Variants in ATP23 observed in about 807,000 individuals in gnomAD.
ATP23 encodes the protein mitochondrial inner membrane protease ATP23 homolog.
Under a neutral mutation model 28.5 loss-of-function variants are expected in ATP23, and 24 were observed. The observed-to-expected ratio is 0.84, with a 90% CI of 0.61 to 1.18. ATP23 has a LOEUF of 1.18. ATP23 is among the 50% of genes most tolerant of loss of function. The pLI is 0.00. For synonymous variants in ATP23, 99 were observed against 108.6 expected (o/e 0.91, Z 0.55); for missense variants, 274 against 306.4 (o/e 0.89, Z 0.79).
At position 57,941,640 on chromosome 12, in the gene ATP23, T is replaced by C; in HGVS notation, c.-62T>C. ...TCGCGTTGGCGGGAGGGAGGTTACCTTTCCCAGTCTCGCTCTGGCCGCCTG... is the reference window on the plus strand; with the variant it reads ...TCGCGTTGGCGGGAGGGAGGTTACCCTTCCCAGTCTCGCTCTGGCCGCCTG... On this transcript the variant is annotated 5_prime_UTR_variant, in exon 1 of 6. Coordinates refer to ENST00000300145, the MANE Select transcript of ATP23 (RefSeq NM_033276.4). The C allele has an allele frequency of 6.4e-7, 1 of 1,556,912 alleles. No individual in the cohort carries two copies.
At chr12:57,946,779 T>C (rs1956765791) in intron 2 of ATP23, among the ~76,000 whole-genome samples, 1 of 152,092 alleles carries the variant, frequency 6.6e-6, no homozygotes, top group Non-Finnish European at 1.5e-5. Flanking sequence ...TGGAATCATA[T>C]CTATAGAATT....
intron 4 of ATP23, among the ~76,000 whole-genome samples, chr12:57,952,760 T>C (rs1956827560): frequency 6.6e-6 from 1 of 152,204 alleles, no homozygotes; most frequent in African/African-American, 2.4e-5. Context: ...CTGTGAGAAT[T>C]AATGCCTTTT....
chr12:57,944,057 TG>T (rs1365988372), intron 1 of ATP23, among the ~76,000 whole-genome samples: 1 of 116,948 alleles, frequency 8.6e-6, no homozygotes, highest in Non-Finnish European at 1.7e-5. Flanking sequence ...TACTAAACCA[TG>T]GTTTTTTTTT....
intron 5 of ATP23, among the ~76,000 whole-genome samples, chr12:57,955,189 T>G (rs1956854193): frequency 6.6e-6 from 1 of 152,036 alleles, no homozygotes; most frequent in South Asian, 2.1e-4. Flanking sequence ...AAAAAACTAT[T>G]ACATATACTC....
chr12:57,953,999 C>T (rs559451397), intron 5 of ATP23, among the ~76,000 whole-genome samples: 22 of 152,074 alleles, frequency 1.4e-4, no homozygotes, highest in South Asian at 6.2e-4. Flanking sequence ...TCGAGACCAG[C>T]GTGGCCAACA....
intron 1 of ATP23, among the ~76,000 whole-genome samples, 164 bp downstream of exon 1, chr12:57,942,052 C>G (rs1450573738): frequency 6.6e-6 from 1 of 152,194 alleles, no homozygotes; most frequent in African/African-American, 2.4e-5. Flanking sequence ...GCTCAGTTTC[C>G]CCACTAGAGG....
Position 57,957,422 on chromosome 12 carries a change from T to A in ATP23, c.*532T>A, listed in dbSNP as rs940935887. On this transcript the variant is annotated 3_prime_UTR_variant, in exon 6 of 6. Coordinates refer to ENST00000300145, the MANE Select transcript of ATP23 (RefSeq NM_033276.4). ...CTGGGGACAGTCCTGGTTAGATCTTTTTCTTTTTAATAAAGGCAGTGCTCG... is the reference window on the plus strand; with the variant it reads ...CTGGGGACAGTCCTGGTTAGATCTTATTCTTTTTAATAAAGGCAGTGCTCG... Among the ~76,000 whole-genome samples the A allele has an allele frequency of 2.0e-5, 3 of 152,172 alleles. No homozygotes were observed. The highest frequency in any genetic ancestry group is 4.4e-5 in the Non-Finnish European group (3 of 68,028).
chr12:57,945,722 C>CA, intron 2 of ATP23, 49 bp downstream of exon 2: 1 of 1,555,744 alleles, frequency 6.4e-7, no homozygotes, highest in Non-Finnish European at 8.9e-7. Context: ...CTGCTGAAAA[C>CA]AAAAACCAAG....
At chr12:57,953,752 A>G (rs1445134789) in intron 5 of ATP23, 63 bp downstream of exon 5, 2 of 1,383,478 alleles carry the variant, frequency 1.4e-6, no homozygotes, top group African/African-American at 2.9e-5. Context: ...ATGAATAAAG[A>G]AATGAAAAGT....
In ATP23 at chr12:57,956,790, A is replaced by G. The variant is rs1265639592; in HGVS notation, c.641A>G (p.Asn214Ser). 1.9e-6 allele frequency: 3 copies of G among 1,613,928 alleles called. No individual in the cohort carries two copies. The highest frequency in any genetic ancestry group is 2.7e-5 in the African/African-American group (2 of 74,924). ...AVDEVFESCF[N>S]DHEPFGRIPH... is the part of the protein sequence containing the mutation. ...GATGAAGTTTTTGAATCTTGTTTCA[A>G]TGACCATGAACCTTTTGGAAGGATC... Residue 214 changes from asparagine to serine, a missense_variant, in exon 6 of 6, where the codon AAT becomes AGT. Transcript: ENST00000300145.
rs61730949 is a variant in ATP23, at chr12:57,941,912, G to A, written c.187+24G>A. Reference sequence around the variant, plus strand: ...AAGTAGGAGCCATGACCTGGAGGCTGTGGTTCCACAGAATGGGTCTGAGAC... The same window carrying A: ...AAGTAGGAGCCATGACCTGGAGGCTATGGTTCCACAGAATGGGTCTGAGAC... On this transcript the variant is annotated intron_variant, in intron 1 of 5. Coordinates refer to ENST00000300145, the MANE Select transcript of ATP23 (RefSeq NM_033276.4). 1.8e-4 allele frequency: 297 copies of A among 1,609,892 alleles called. No individual in the cohort carries two copies. In the African/African-American group the frequency reaches 3.7e-3, roughly 20 times the overall value.
At chr12:57,946,941 T>C (rs1956767437) in intron 2 of ATP23, 54 bp from the exon 3 acceptor site, 1 of 1,552,298 alleles carries the variant, frequency 6.4e-7, no homozygotes, top group Non-Finnish European at 8.9e-7. Context: ...GGCCCAGGGC[T>C]GTTTGCCACA....
chr12:57,944,457 G>A (rs889292671), intron 1 of ATP23, among the ~76,000 whole-genome samples: 2 of 152,064 alleles, frequency 1.3e-5, no homozygotes, highest in African/African-American at 4.8e-5. Context: ...TAGTAGTCAC[G>A]GGCCCATAGA....
At chr12:57,954,194 CAAAAAAAAA>C (rs11357155) in intron 5 of ATP23, among the ~76,000 whole-genome samples, 1 of 71,442 alleles carries the variant, frequency 1.4e-5, no homozygotes, top group Admixed American at 1.5e-4. Flanking sequence ...GACTCCATCT[CAAAAAAAAA>C]AAAAAAAAAA....
intron 3 of ATP23, among the ~76,000 whole-genome samples, chr12:57,948,370 C>T (rs942216218): frequency 2.0e-5 from 3 of 152,116 alleles, no homozygotes; most frequent in African/African-American, 7.2e-5. Flanking sequence ...GCAACCTCTG[C>T]CTCCTGGGTT....
intron 3 of ATP23, 29 bp downstream of exon 3, chr12:57,947,105 C>T (rs748703733): frequency 3.1e-6 from 5 of 1,592,074 alleles, no homozygotes; most frequent in Non-Finnish European, 4.3e-6. Context: ...TTGTTTCCTT[C>T]CCTTTAATCC....
intron 3 of ATP23, chr12:57,949,661 C>G (rs1177657204): frequency 6.6e-6 from 1 of 152,098 alleles, no homozygotes; most frequent in Non-Finnish European, 1.5e-5. Flanking sequence ...ACCCAGCTAA[C>G]TTTTAAAATT....
chr12:57,946,198 G>T (rs1312488934), intron 2 of ATP23, among the ~76,000 whole-genome samples: 1 of 151,884 alleles, frequency 6.6e-6, no homozygotes, highest in African/African-American at 2.4e-5. Context: ...ATTCACCTTG[G>T]GTGATTAATA....
chr12:57,941,705 G>T lies in ATP23; in HGVS notation c.4G>T (p.Ala2Ser). The change falls in exon 1 of 6, where the codon GCG (alanine) becomes TCG (serine). Residue 2 changes from alanine to serine, a missense_variant. Coordinates refer to ENST00000300145, the MANE Select transcript of ATP23 (RefSeq NM_033276.4). ...AGCGGCGAGGTCTGCGGGAGGCATGGCGGGAGCTCCGGACGAGCGCCGGCG... is the reference window on the plus strand; with the variant it reads ...AGCGGCGAGGTCTGCGGGAGGCATGTCGGGAGCTCCGGACGAGCGCCGGCG... MAGAPDERRRGP... is the reference protein window; with the variant it reads MSGAPDERRRGP... The T allele has an allele frequency of 1.2e-6, 2 of 1,603,948 alleles. No individual in the cohort carries two copies. Among genetic ancestry groups the T allele is most frequent in the Non-Finnish European group, 1.7e-6 (2 of 1,176,082 alleles).
Sources: allele counts gnomAD v4.1 joint callset (sites outside exome capture counted in the v4.1 genomes callset), GRCh38; gene constraint gnomAD v4.1.1; transcripts MANE v1.5; gene names NCBI Gene and HGNC (gene_info 2026-07-23, HGNC 2026-07-21).